The following STK32A variants were observed in gnomAD, a reference collection of about 807,000 sequenced individuals.
The protein encoded by STK32A is serine/threonine kinase 32A.
In STK32A, 41 loss-of-function variants were observed where a neutral mutation model predicts 53.2. The observed-to-expected ratio is 0.77, with a 90% CI of 0.60 to 1.00. STK32A has a LOEUF of 1.00. STK32A is among the 50% of genes least tolerant of loss of function. The probability of loss-of-function intolerance (pLI) is 0.00; values close to 1 mark genes in which losing one functional copy is unlikely to be tolerated. For missense variants in STK32A, 458 were observed against 485.8 expected (o/e 0.94, Z 0.54); for synonymous variants, 166 against 162.8 (o/e 1.02, Z -0.15).
chr5:147,294,975 G>A (rs973330530), intron 4 of STK32A, among the ~76,000 whole-genome samples: 19 of 152,194 alleles, frequency 1.2e-4, no homozygotes, highest in African/African-American at 3.1e-4. Flanking sequence ...GAGCCACCGC[G>A]TCTGGCCATA....
intron 7 of STK32A, among the ~76,000 whole-genome samples, chr5:147,351,519 C>G (rs986647539): frequency 6.6e-6 from 1 of 151,910 alleles, no homozygotes; most frequent in Non-Finnish European, 1.5e-5. Flanking sequence ...GATCCTGGAG[C>G]TTACATTCTA....
At chr5:147,394,158 A>G in the STK32A span, 19 of 1,608,526 alleles carry the variant, frequency 1.2e-5, no homozygotes, top group South Asian at 1.9e-4. Flanking sequence ...GGGGAAAAAA[A>G]AAACAGAGTG....
the STK32A span, chr5:147,397,893 G>T: frequency 1.3e-6 from 2 of 1,511,406 alleles, no homozygotes; most frequent in Non-Finnish European, 1.8e-6. Flanking sequence ...TAGAGAAAGA[G>T]GAACGTACCT....
rs1473261225 is a variant in STK32A at position 147,314,308 on chromosome 5, A to G, written c.261-9590A>G. Among the ~76,000 whole-genome samples the G allele has an allele frequency of 3.3e-5, 5 of 152,072 alleles. No homozygotes were observed. The East Asian group carries it at 5.8e-4, about 18-fold the overall frequency. ...AGGTCAGGAGTTCAAGACCAGCCTG[A>G]TCAACATGGTGAAACCCTGTCTCTA... On this transcript the variant is annotated intron_variant, in intron 4 of 12. Coordinates refer to ENST00000397936, the MANE Select transcript of STK32A (RefSeq NM_001112724.2).
At chr5:147,357,568 T>A (rs972065663) in intron 7 of STK32A, among the ~76,000 whole-genome samples, 1 of 152,086 alleles carries the variant, frequency 6.6e-6, no homozygotes, top group Non-Finnish European at 1.5e-5. Context: ...TTTTAATTTG[T>A]TGCTGTTTTA....
At position 147,370,866 on chromosome 5, in the gene STK32A, A is replaced by G; in HGVS notation, c.777+96A>G. 4.0e-6 allele frequency: 3 copies of G among 757,688 alleles called. No homozygotes were observed. In the South Asian group the frequency reaches 4.9e-5, roughly 12 times the overall value. The allele number at this position is 757,688 out of a possible 1,614,324, so 46.9% of individuals were successfully genotyped here. On this transcript the variant is annotated intron_variant, in intron 9 of 12. Transcript: ENST00000397936. The stretch of plus-strand genomic sequence containing the variant: ...TTAGTATACAATATTGGGGACAGTC[A>G]TGATAGTATACATTTGTAGAGTGTA...
intron 2 of STK32A, among the ~76,000 whole-genome samples, chr5:147,252,548 G>A (rs1344884221): frequency 5.9e-5 from 9 of 151,592 alleles, no homozygotes; most frequent in Non-Finnish European, 1.3e-4. Context: ...GAACTTCATT[G>A]CAGCTATTCT....
intron 2 of STK32A, among the ~76,000 whole-genome samples, chr5:147,261,693 A>G: frequency 6.6e-6 from 1 of 152,212 alleles, no homozygotes; most frequent in Middle Eastern, 3.2e-3. Flanking sequence ...GCTTATGCTT[A>G]GGGTTTTATG....
At chr5:147,283,532 T>C (rs904465764) in intron 4 of STK32A, among the ~76,000 whole-genome samples, 2 of 149,246 alleles carry the variant, frequency 1.3e-5, no homozygotes, top group African/African-American at 4.9e-5. Context: ...ATAAACAAAA[T>C]TGGTAGACTA....
chr5:147,351,666 G>A (rs1369449729), intron 7 of STK32A, among the ~76,000 whole-genome samples: 1 of 152,152 alleles, frequency 6.6e-6, no homozygotes, highest in Non-Finnish European at 1.5e-5. Flanking sequence ...GGCCAACATG[G>A]TGAAACCCTG....
At chr5:147,277,740 T>C (rs185001253) in intron 2 of STK32A, among the ~76,000 whole-genome samples, 1 of 152,324 alleles carries the variant, frequency 6.6e-6, no homozygotes, top group African/African-American at 2.4e-5. Flanking sequence ...TTGCTGCCTA[T>C]GTCAAATTCT....
At chr5:147,309,912 T>G (rs1753606316) in intron 4 of STK32A, among the ~76,000 whole-genome samples, 1 of 152,170 alleles carries the variant, frequency 6.6e-6, no homozygotes, top group South Asian at 2.1e-4. Flanking sequence ...ATATTTTATT[T>G]TAATGTTATT....
intron 10 of STK32A, among the ~76,000 whole-genome samples, 174 bp downstream of exon 10, chr5:147,373,468 T>A (rs1757095851): frequency 6.6e-6 from 1 of 152,120 alleles, no homozygotes; most frequent in Non-Finnish European, 1.5e-5. Context: ...TCACCAAAGG[T>A]CACAAAGCTA....
intron 4 of STK32A, among the ~76,000 whole-genome samples, chr5:147,280,043 G>A (rs1464189379): frequency 2.6e-5 from 4 of 152,146 alleles, no homozygotes; most frequent in Non-Finnish European, 4.4e-5. Flanking sequence ...GACTTTACCT[G>A]GAGCTGAGTG....
At chr5:147,322,648 G>A (rs576959258) in intron 4 of STK32A, among the ~76,000 whole-genome samples, 1 of 152,254 alleles carries the variant, frequency 6.6e-6, no homozygotes, top group East Asian at 1.9e-4. Context: ...ATGATGTTAT[G>A]TCTAAAGAAA....
chr5:147,361,128 G>T (rs114958642), intron 7 of STK32A, among the ~76,000 whole-genome samples: 6 of 152,138 alleles, frequency 3.9e-5, no homozygotes, highest in African/African-American at 1.4e-4. Flanking sequence ...CGTTGTCTGC[G>T]ACTGTTATAG....
chr5:147,243,745 A>AAAAAAAAC (rs1049806034), intron 2 of STK32A, among the ~76,000 whole-genome samples: 2 of 151,802 alleles, frequency 1.3e-5, no homozygotes, highest in African/African-American at 4.8e-5. Context: ...GTCCAAAAAA[A>AAAAAAAAC]AACGGCTTGC....
At chr5:147,255,032 C>A (rs1403664336) in intron 2 of STK32A, among the ~76,000 whole-genome samples, 1 of 152,080 alleles carries the variant, frequency 6.6e-6, no homozygotes, top group Non-Finnish European at 1.5e-5. Flanking sequence ...CCCAGCTACT[C>A]AGGAGGCTGA....
At position 147,383,933 on chromosome 5, in the gene STK32A, G is replaced by A. The variant is rs769017665; in HGVS notation, c.1141G>A (p.Glu381Lys). 5 of 1,608,222 alleles carry A rather than the reference G, an allele frequency of 3.1e-6. No homozygotes were observed. The highest frequency in any genetic ancestry group is 2.2e-5 in the East Asian group (1 of 44,578). The change falls in exon 13 of 13, where the codon GAA becomes AAA. Residue 381 changes from glutamate (E) to lysine (K), a missense_variant. Transcript: ENST00000397936. ...FNKRQPNLAL[E>K]QTKDPQGEDG... is the part of the protein sequence containing the mutation. ...CAAAAGACAACCAAATCTAGCCTTGGAACAAACCAAAGACCCACAAGGTGA... is the reference window on the plus strand; with the variant it reads ...CAAAAGACAACCAAATCTAGCCTTGAAACAAACCAAAGACCCACAAGGTGA...
Sources: allele counts gnomAD v4.1 joint callset (sites outside exome capture counted in the v4.1 genomes callset), GRCh38; gene constraint gnomAD v4.1.1; transcripts MANE v1.5; gene names NCBI Gene and HGNC (gene_info 2026-07-23, HGNC 2026-07-21).